Variants in ELK3 observed in about 807,000 individuals in gnomAD.
ELK3 encodes the protein ETS transcription factor ELK3.
ELK3 carries 10 observed loss-of-function variants against 28.9 expected under a neutral mutation model. That is an observed-to-expected ratio of 0.35 (90% confidence interval 0.21 to 0.59). ELK3 has a LOEUF of 0.59. ELK3 is among the 20% of genes least tolerant of loss of function. The pLI, the probability that ELK3 is intolerant of heterozygous loss-of-function variation, is 0.82. For synonymous variants in ELK3, 272 were observed against 243.5 expected (o/e 1.12, Z -1.09); for missense variants, 463 against 517.3 (o/e 0.90, Z 1.02).
intron 2 of ELK3, among the ~76,000 whole-genome samples, chr12:96,232,337 G>A (rs559294001): frequency 2.2e-4 from 34 of 151,896 alleles, no homozygotes; most frequent in Non-Finnish European, 3.7e-4. Flanking sequence ...TTGGGAGGCC[G>A]AGGCGGGTGG....
chr12:96,244,887 A>G (rs1951845680), intron 2 of ELK3, among the ~76,000 whole-genome samples: 1 of 152,180 alleles, frequency 6.6e-6, no homozygotes, highest in South Asian at 2.1e-4. Flanking sequence ...TCCAGGTGGA[A>G]AACATCTGAG....
chr12:96,226,196 A>G (rs78121958), intron 2 of ELK3, among the ~76,000 whole-genome samples: 2,780 of 152,248 alleles, frequency 0.018, 79 homozygotes, highest in African/African-American at 0.062. Context: ...AACGATGTGT[A>G]TCAGGTAGAG....
intron 1 of ELK3, chr12:96,213,764 T>G (rs1188287233): frequency 1.3e-5 from 2 of 152,180 alleles, no homozygotes; most frequent in Non-Finnish European, 2.9e-5. Flanking sequence ...CATGCTCTGT[T>G]GCCCAGGCTG....
intron 1 of ELK3, among the ~76,000 whole-genome samples, chr12:96,215,914 G>C (rs1284861428): frequency 1.3e-5 from 2 of 152,152 alleles, no homozygotes; most frequent in Non-Finnish European, 2.9e-5. Context: ...GATTACAGGC[G>C]TGAGCTATCA....
chr12:96,251,072 G>A (rs1222185959), intron 3 of ELK3, among the ~76,000 whole-genome samples: 1 of 152,196 alleles, frequency 6.6e-6, no homozygotes, highest in Non-Finnish European at 1.5e-5. Context: ...CGCTGAGCAA[G>A]TCTTGTCAGC....
chr12:96,260,881 T>C (rs1951987993), intron 4 of ELK3, among the ~76,000 whole-genome samples: 1 of 152,206 alleles, frequency 6.6e-6, no homozygotes, highest in South Asian at 2.1e-4. Flanking sequence ...CACTTTGTAT[T>C]ATGATTGCCT....
At position 96,247,867 on chromosome 12, in the gene ELK3, T is replaced by C. The variant is rs765685494; in HGVS notation, c.1002+133T>C. On this transcript the variant is annotated intron_variant, in intron 3 of 4. Coordinates refer to ENST00000228741, the MANE Select transcript of ELK3 (RefSeq NM_005230.4). This position sits in a 1 kb window ranked among gnomAD's most constrained non-coding sequence, Gnocchi z 5.5. ...ACTCGTACCGAGGTCACTGTGTAAA[T>C]GTGAAGGGAAGCTGCTTTTCCATCC... 5.1e-6 allele frequency: 6 copies of C among 1,168,616 alleles called. No homozygotes were observed. Among genetic ancestry groups the C allele is most frequent in the Non-Finnish European group, 6.9e-6 (6 of 864,062 alleles). The allele number at this position is 1,168,616 out of a possible 1,614,324, so 72.4% of individuals were successfully genotyped here. A position where few individuals can be genotyped will look rare whatever the true frequency, so the allele number is the denominator to read the frequency against.
intron 1 of ELK3, among the ~76,000 whole-genome samples, chr12:96,195,445 G>A (rs756413343): frequency 6.6e-6 from 1 of 152,182 alleles, no homozygotes; most frequent in Non-Finnish European, 1.5e-5. Context: ...CCCCATCCCT[G>A]TTTACCTTCG....
chr12:96,218,397 T>G (rs1394359465), intron 1 of ELK3, among the ~76,000 whole-genome samples: 1 of 152,116 alleles, frequency 6.6e-6, no homozygotes, highest in Non-Finnish European at 1.5e-5. Context: ...TTAAAATACC[T>G]GATAAAATTT....
Position 96,247,580 on chromosome 12 carries a change from A to G in ELK3, c.848A>G (p.Lys283Arg), listed in dbSNP as rs1240594452. 3 of 1,613,800 alleles carry G rather than the reference A, an allele frequency of 1.9e-6. No individual in the cohort carries two copies. Among genetic ancestry groups the G allele is most frequent in the African/African-American group, 1.3e-5 (1 of 74,874 alleles). Reference protein sequence around the residue: ...PLNLSSGSKTKSPSLPPKAKK... With the variant: ...PLNLSSGSKTRSPSLPPKAKK... ...AACCTGTCATCGGGCTCCAAGACCA[A>G]GTCTCCATCTCTTCCCCCAAAGGCC... The change falls in exon 3 of 5, where the codon AAG becomes AGG. Residue 283 changes from lysine to arginine, a missense_variant. Physicochemically the swap from Lys to Arg is conservative, Grantham distance 26 (BLOSUM62 2). Transcript: ENST00000228741. The surrounding 1 kb of genome is among the most constrained non-coding windows in gnomAD (Gnocchi z 5.5).
intron 2 of ELK3, among the ~76,000 whole-genome samples, chr12:96,225,145 T>C (rs1951689684): frequency 6.6e-6 from 1 of 152,256 alleles, no homozygotes; most frequent in Non-Finnish European, 1.5e-5. Context: ...TCCCAGGTTC[T>C]AAATTCTGCA....
chr12:96,200,247 A>C (rs1641840949), intron 1 of ELK3, among the ~76,000 whole-genome samples: 1 of 152,142 alleles, frequency 6.6e-6, no homozygotes, highest in African/African-American at 2.4e-5. Flanking sequence ...TATTATAGGC[A>C]TCCTGCAGTG....
chr12:96,214,179 C>T lies in ELK3; in HGVS notation c.-2-9386C>T, dbSNP rs191181433. Among the ~76,000 whole-genome samples the T allele has an allele frequency of 3.1e-3, 471 of 152,094 alleles. 5 individuals carry two copies. Among genetic ancestry groups the T allele is most frequent in the African/African-American group, 0.011 (455 of 41,480 alleles). ...GACACGGTGGCTCACGCTTATAATC[C>T]CAGCACTTTGGGAGGCCGAGGTGGG... On this transcript the variant is annotated intron_variant, in intron 1 of 4. Coordinates refer to ENST00000228741, the MANE Select transcript of ELK3 (RefSeq NM_005230.4).
chr12:96,227,143 T>C lies in ELK3; in HGVS notation c.207+3370T>C, dbSNP rs1285403877. On this transcript the variant is annotated intron_variant, in intron 2 of 4. Transcript: ENST00000228741. ...TGCAAAGCCACCTGGGCCACTGCCG[T>C]GTGTGCCACCCTGAACTTCAAGCTG... Among the ~76,000 whole-genome samples the C allele has an allele frequency of 3.3e-5, 5 of 152,106 alleles. No individual in the cohort carries two copies. In the South Asian group the frequency reaches 1.0e-3, roughly 32 times the overall value.
chr12:96,232,646 A>G (rs1216522271), intron 2 of ELK3, among the ~76,000 whole-genome samples: 2 of 151,946 alleles, frequency 1.3e-5, no homozygotes, highest in African/African-American at 4.8e-5. Context: ...GGGAATGCTC[A>G]CACCTGTAAT....
intron 1 of ELK3, among the ~76,000 whole-genome samples, chr12:96,201,273 G>C (rs762160156): frequency 2.0e-5 from 3 of 152,150 alleles, no homozygotes; most frequent in Non-Finnish European, 4.4e-5. Context: ...ATTGGGATGA[G>C]AGGATATTAG....
intron 1 of ELK3, chr12:96,198,274 C>T (rs2136996852): frequency 6.6e-6 from 1 of 152,328 alleles, no homozygotes; most frequent in South Asian, 2.1e-4. Context: ...GTTGCCAGGG[C>T]TGGCCTTGCA....
chr12:96,247,612 C>G lies in ELK3; in HGVS notation c.880C>G (p.Pro294Ala), dbSNP rs954412819. 6.2e-7 allele frequency: 1 copy of G among 1,613,872 alleles called. No homozygotes were observed. The highest frequency in any genetic ancestry group is 1.7e-5 in the Admixed American group (1 of 60,020). The part of the protein sequence containing the change: ...SPSLPPKAKK[P>A]KGLEISAPPL... Reference sequence around the variant, plus strand: ...ATCTCTTCCCCCAAAGGCCAAAAAACCCAAAGGCTTGGAAATCTCAGCGCC... The same window carrying G: ...ATCTCTTCCCCCAAAGGCCAAAAAAGCCAAAGGCTTGGAAATCTCAGCGCC... The change falls in exon 3 of 5, where the codon CCC becomes GCC. Residue 294 changes from proline (P) to alanine (A), a missense_variant. This residue lies in a region of ELK3 where 408 missense variants were observed against 414.8 expected (regional missense o/e 0.98). Coordinates refer to ENST00000228741, the MANE Select transcript of ELK3 (RefSeq NM_005230.4). The surrounding 1 kb of genome is among the most constrained non-coding windows in gnomAD (Gnocchi z 5.5).
intron 1 of ELK3, among the ~76,000 whole-genome samples, chr12:96,216,237 C>T (rs983939808): frequency 6.6e-6 from 1 of 152,164 alleles, no homozygotes; most frequent in Non-Finnish European, 1.5e-5. Context: ...GACTCTCCTT[C>T]CTGCTCCAGA....
Sources: allele counts gnomAD v4.1 joint callset (sites outside exome capture counted in the v4.1 genomes callset), GRCh38; gene constraint gnomAD v4.1.1; regional missense constraint gnomAD v4.1.1; non-coding constraint Gnocchi (gnomAD v3.1); transcripts MANE v1.5; gene names NCBI Gene and HGNC (gene_info 2026-07-23, HGNC 2026-07-21).